CPQ: variants seen among roughly 807,000 people sequenced by gnomAD.
CPQ encodes Ser-Met dipeptidase.
A neutral mutation model predicts 45.7 loss-of-function variants in CPQ; 37 were observed. That is an observed-to-expected ratio of 0.81 (90% CI 0.62 to 1.07). The LOEUF (loss-of-function observed/expected upper bound fraction) is 1.07, where lower values mean the gene tolerates loss of function less well. Ranked by LOEUF, CPQ falls within the 50% of genes least tolerant of loss-of-function variation. CPQ has a pLI of 0.00. For missense variants in CPQ, 537 were observed against 572.9 expected (o/e 0.94, Z 0.64); for synonymous variants, 186 against 205.8 (o/e 0.90, Z 0.82).
intron 7 of CPQ, among the ~76,000 whole-genome samples, chr8:97,094,099 G>A (rs1052745771): frequency 1.3e-5 from 2 of 151,938 alleles, no homozygotes; most frequent in African/African-American, 4.8e-5. Context: ...TGCAGAATGA[G>A]TGTTCTGAGA....
At chr8:96,743,400 A>T (rs542000945) in intron 1 of CPQ, among the ~76,000 whole-genome samples, 4 of 151,858 alleles carry the variant, frequency 2.6e-5, no homozygotes, top group African/African-American at 9.7e-5. Flanking sequence ...AAAGTTTTCA[A>T]CTTCTTTGCC....
At chr8:97,023,030 AGT>A (rs1809732148) in intron 5 of CPQ, among the ~76,000 whole-genome samples, 1 of 140,624 alleles carries the variant, frequency 7.1e-6, no homozygotes, top group South Asian at 2.2e-4. Context: ...ATATATATAC[AGT>A]ATATATACAG....
At chr8:97,024,631 C>G (rs375493080) in intron 5 of CPQ, among the ~76,000 whole-genome samples, 1 of 152,104 alleles carries the variant, frequency 6.6e-6, no homozygotes, top group Non-Finnish European at 1.5e-5. Context: ...ATAAATTATA[C>G]GACAGATTAT....
intron 4 of CPQ, among the ~76,000 whole-genome samples, chr8:96,960,126 G>T (rs1420345555): frequency 1.3e-5 from 2 of 152,012 alleles, no homozygotes; most frequent in Non-Finnish European, 2.9e-5. Flanking sequence ...CTCAAAAGTG[G>T]CCCTTTCTTA....
rs1233564031 is a variant in CPQ, at chr8:96,785,075, C to A, written c.178C>A (p.Gln60Lys). ...IINLAVYGKA[Q>K]NRSYERLALL... The stretch of plus-strand genomic sequence containing the variant: ...CAACCTAGCTGTTTATGGTAAAGCC[C>A]AGAACAGATCCTATGAGCGATTGGC... Residue 60 changes from glutamine (Q) to lysine (K), a missense_variant, in exon 2 of 8, where the codon CAG becomes AAG. Physicochemically the swap from Gln to Lys is moderately conservative, Grantham distance 53. Transcript: ENST00000220763. The A allele has an allele frequency of 2.5e-6, 4 of 1,613,592 alleles. No homozygotes were observed. The highest frequency in any genetic ancestry group is 3.4e-6 in the Non-Finnish European group (4 of 1,179,832).
intron 5 of CPQ, among the ~76,000 whole-genome samples, chr8:97,021,319 A>T (rs776343174): frequency 3.7e-4 from 56 of 152,186 alleles, no homozygotes; most frequent in Admixed American, 1.3e-4. Context: ...GGACAAGACA[A>T]GGATGCCCAC....
rs555830176 is a variant in CPQ, at chr8:96,810,590, A to G, written c.434-24383A>G. Among the ~76,000 whole-genome samples, 20 of 152,346 alleles carry G rather than the reference A, an allele frequency of 1.3e-4. No individual in the cohort carries two copies. The South Asian group carries it at 3.9e-3, about 30-fold the overall frequency. Reference sequence around the variant, plus strand: ...ACCTAGTAAAGCAGTTCACACACATAAGTTATTATTATGTCATTGGAAGAG... The same window carrying G: ...ACCTAGTAAAGCAGTTCACACACATGAGTTATTATTATGTCATTGGAAGAG... On this transcript the variant is annotated intron_variant, in intron 2 of 7. Transcript: ENST00000220763.
chr8:96,818,132 T>A (rs924176626), intron 2 of CPQ, among the ~76,000 whole-genome samples: 5 of 151,892 alleles, frequency 3.3e-5, no homozygotes, highest in African/African-American at 1.2e-4. Flanking sequence ...CTAATTTCAA[T>A]GGTGTTGTAT....
chr8:97,105,955 G>A (rs1418404293), intron 7 of CPQ, among the ~76,000 whole-genome samples: 2 of 152,176 alleles, frequency 1.3e-5, no homozygotes, highest in Non-Finnish European at 2.9e-5. Context: ...CTCTTCATCT[G>A]TGAATGCTGA....
intron 2 of CPQ, among the ~76,000 whole-genome samples, chr8:96,821,013 T>G (rs1197565898): frequency 6.6e-6 from 1 of 152,018 alleles, no homozygotes; most frequent in East Asian, 1.9e-4. Context: ...TGGTTTTCAT[T>G]TGCATTTCTC....
At chr8:96,803,198 C>A (rs1811030686) in intron 2 of CPQ, among the ~76,000 whole-genome samples, 1 of 152,334 alleles carries the variant, frequency 6.6e-6, no homozygotes, top group African/African-American at 2.4e-5. Flanking sequence ...ATTGATGTCC[C>A]AGTTCAAATG....
intron 2 of CPQ, among the ~76,000 whole-genome samples, chr8:96,793,661 T>G (rs1158400981): frequency 6.6e-6 from 1 of 152,152 alleles, no homozygotes; most frequent in Non-Finnish European, 1.5e-5. Flanking sequence ...ATTTCAGCAT[T>G]AACTCAAAAG....
At chr8:96,650,204 GT>G (rs1815562394) in intron 1 of CPQ, among the ~76,000 whole-genome samples, 1 of 152,178 alleles carries the variant, frequency 6.6e-6, no homozygotes, top group South Asian at 2.1e-4. Flanking sequence ...CAGAGAAAGT[GT>G]TTGGAGACTT....
rs535523022 is a variant in CPQ, at chr8:96,938,657, G to A, written c.850-27278G>A. 7.8e-4 allele frequency among the ~76,000 whole-genome samples: 118 copies of A among 152,218 alleles called. 1 individual carries two copies. The highest frequency in any genetic ancestry group is 2.2e-3 in the African/African-American group (92 of 41,530). On this transcript the variant is annotated intron_variant, in intron 4 of 7. Transcript: ENST00000220763. Reference sequence around the variant, plus strand: ...CTTAGCAACCACAGGAAAGGGGCTGGGAATAAATGCACTCCTTCCTCTCTG... The same window carrying A: ...CTTAGCAACCACAGGAAAGGGGCTGAGAATAAATGCACTCCTTCCTCTCTG...
chr8:96,720,322 G>A (rs2130762085), intron 1 of CPQ, among the ~76,000 whole-genome samples: 1 of 152,098 alleles, frequency 6.6e-6, no homozygotes, highest in African/African-American at 2.4e-5. Flanking sequence ...TGTGGATCTA[G>A]TCATTTTTTT....
intron 2 of CPQ, 39 bp from the exon 3 acceptor site, chr8:96,834,934 G>A (rs2130848497): frequency 6.3e-7 from 1 of 1,579,236 alleles, no homozygotes; most frequent in East Asian, 2.3e-5. Context: ...CCAGCTGATG[G>A]GAAACTGTAA....
At chr8:97,106,683 C>A (rs1811411072) in intron 7 of CPQ, among the ~76,000 whole-genome samples, 1 of 152,116 alleles carries the variant, frequency 6.6e-6, no homozygotes, top group Admixed American at 6.6e-5. Context: ...GTGAAGGCTA[C>A]AGAAATCATT....
intron 7 of CPQ, among the ~76,000 whole-genome samples, chr8:97,142,401 G>T (rs1214940205): frequency 6.6e-6 from 1 of 152,176 alleles, no homozygotes. Flanking sequence ...GACTCCTGCT[G>T]GTGCCCTTGG....
chr8:96,687,511 A>G (rs1440321387), intron 1 of CPQ, among the ~76,000 whole-genome samples: 3 of 151,986 alleles, frequency 2.0e-5, no homozygotes, highest in Admixed American at 2.0e-4. Context: ...ACCTGGCCAC[A>G]TGCCATTTTT....
Sources: gnomAD v4.1 joint callset for allele counts (sites outside exome capture counted in the v4.1 genomes callset) on GRCh38, gnomAD v4.1.1 for gene constraint, MANE v1.5 for transcripts, NCBI Gene and HGNC (gene_info 2026-07-23, HGNC 2026-07-21) for gene names.